SGCG: variants seen among roughly 807,000 people sequenced by gnomAD.
The protein encoded by SGCG is sarcoglycan gamma, also known as gamma-sarcoglycan.
SGCG carries 26 observed loss-of-function variants against 29.3 expected under a neutral mutation model. That is an observed-to-expected ratio of 0.89 (90% CI 0.65 to 1.23). The LOEUF is 1.23. Among genes scored for constraint, SGCG ranks in the 50% most tolerant of loss-of-function variants. The pLI, the probability that SGCG is intolerant of heterozygous loss-of-function variation, is 0.00. For synonymous variants in SGCG, 145 were observed against 129.7 expected, an observed-to-expected ratio of 1.12 and a Z score of -0.80; for missense variants, 353 against 356.0, an observed-to-expected ratio of 0.99 and a Z score of 0.07.
chr13:23,183,727 G>A (rs559263203), intron 1 of SGCG, among the ~76,000 whole-genome samples: 36 of 152,234 alleles, frequency 2.4e-4, no homozygotes, highest in African/African-American at 8.7e-4. Flanking sequence ...GGAGTGCAGT[G>A]GCATGATCTC....
At chr13:23,191,221 C>T (rs1279919236) in intron 1 of SGCG, among the ~76,000 whole-genome samples, 3 of 152,234 alleles carry the variant, frequency 2.0e-5, no homozygotes, top group African/African-American at 7.2e-5. Context: ...AATAGCATGC[C>T]TTTAATCTGC....
At chr13:23,190,212 T>G (rs1348658160) in intron 1 of SGCG, among the ~76,000 whole-genome samples, 1 of 152,114 alleles carries the variant, frequency 6.6e-6, no homozygotes, top group Non-Finnish European at 1.5e-5. Context: ...TAAATTGGTA[T>G]TTGAGAGTCT....
At position 23,320,750 on chromosome 13, in the gene SGCG, G is replaced by C. The variant is rs1883007633; in HGVS notation, c.692G>C (p.Ser231Thr). 8.1e-6 allele frequency: 13 copies of C among 1,613,630 alleles called. No homozygotes were observed. Among genetic ancestry groups the C allele is most frequent in the Non-Finnish European group, 1.1e-5 (13 of 1,179,724 alleles). ...CAAATGGATATTCTTTTTCATAGTAGTGATGGAATGGTGAGTTCATTCACA... is the reference window on the plus strand; with the variant it reads ...CAAATGGATATTCTTTTTCATAGTACTGATGGAATGGTGAGTTCATTCACA... ...LSQMDILFHS[S>T]DGMLVLDAET... Residue 231 changes from serine to threonine, a missense_variant, in exon 7 of 8, where the codon AGT (serine) becomes ACT (threonine). Transcript: ENST00000218867.
chr13:23,192,153 C>T (rs953810124), intron 1 of SGCG, among the ~76,000 whole-genome samples: 7 of 134,546 alleles, frequency 5.2e-5, no homozygotes, highest in South Asian at 4.9e-4. Context: ...CCAGCCTGGG[C>T]GACAGAGTGA....
rs1189871837 is a variant in SGCG, at chr13:23,322,765, T to TCCCCCCCCCCCCCCCC, written c.703-1601_703-1600insCCCCCCCCCCCCCCCC. Among the ~76,000 whole-genome samples the TCCCCCCCCCCCCCCCC allele has an allele frequency of 2.2e-3, 134 of 61,444 alleles. 1 individual carries two copies. The highest frequency in any genetic ancestry group is 7.9e-3 in the Admixed American group (42 of 5,344). 40.3% of individuals were successfully genotyped at this position (61,444 alleles called of 152,430 possible). ...CGATGCACAGACCGCCCCCCACCCATCCACCTCCCCCCCCCCCCCCCCCCG... is the reference window on the plus strand; with the variant it reads ...CGATGCACAGACCGCCCCCCACCCATCCCCCCCCCCCCCCCCCCACCTCCCCCCCCCCCCCCCCCCG... On this transcript the variant is annotated intron_variant, in intron 7 of 7. Transcript: ENST00000218867.
At chr13:23,232,957 G>T (rs887842691) in intron 2 of SGCG, among the ~76,000 whole-genome samples, 1 of 152,142 alleles carries the variant, frequency 6.6e-6, no homozygotes, top group Non-Finnish European at 1.5e-5. Flanking sequence ...TGGAATTCTT[G>T]TGCACTGTTA....
chr13:23,176,497 T>G (rs1876558235), upstream of SGCG, among the ~76,000 whole-genome samples: 1 of 152,170 alleles, frequency 6.6e-6, no homozygotes, highest in South Asian at 2.1e-4. Context: ...TAATGACCAT[T>G]TTAATCTTTT....
intron 4 of SGCG, among the ~76,000 whole-genome samples, chr13:23,254,165 G>A (rs920920926): frequency 1.3e-5 from 2 of 152,190 alleles, no homozygotes; most frequent in Non-Finnish European, 2.9e-5. Flanking sequence ...AGTTAGAAGA[G>A]TTTGGAGGGC....
chr13:23,270,778 G>C (rs1593210019), intron 4 of SGCG, among the ~76,000 whole-genome samples: 1 of 152,204 alleles, frequency 6.6e-6, no homozygotes, highest in East Asian at 1.9e-4. Context: ...GGTTATAAAG[G>C]AATTCACCTA....
chr13:23,282,819 G>T (rs888717274), intron 5 of SGCG, among the ~76,000 whole-genome samples: 1 of 152,168 alleles, frequency 6.6e-6, no homozygotes, highest in Non-Finnish European at 1.5e-5. Context: ...GGGGGAGACT[G>T]TCCTGTGCAT....
At chr13:23,307,604 T>A (rs1453079957) in intron 6 of SGCG, among the ~76,000 whole-genome samples, 2 of 152,146 alleles carry the variant, frequency 1.3e-5, no homozygotes, top group Non-Finnish European at 2.9e-5. Context: ...TGTATGGGTT[T>A]TTTTCAAGGT....
intron 3 of SGCG, among the ~76,000 whole-genome samples, chr13:23,248,603 A>G (rs1396018615): frequency 6.6e-6 from 1 of 151,424 alleles, no homozygotes; most frequent in African/African-American, 2.4e-5. Flanking sequence ...CTGAGGCAGG[A>G]GAATGGCGGG....
rs115383438 is a variant in SGCG, at chr13:23,281,815, C to T, written c.505+2337C>T. ...ATAGGAGGCGGGGCTCAGGCAGTAA[C>T]GCTCGCTGGCCCACTGCTCACCTCC... On this transcript the variant is annotated intron_variant, in intron 5 of 7. Coordinates refer to ENST00000218867, the MANE Select transcript of SGCG (RefSeq NM_000231.3). Among the ~76,000 whole-genome samples, 1,219 of 152,264 alleles carry T rather than the reference C, an allele frequency of 8.0e-3. 19 individuals carry two copies. The highest frequency in any genetic ancestry group is 0.027 in the African/African-American group (1,122 of 41,546).
intron 5 of SGCG, among the ~76,000 whole-genome samples, chr13:23,283,242 G>A (rs952502011): frequency 6.6e-6 from 1 of 152,180 alleles, no homozygotes; most frequent in African/African-American, 2.4e-5. Flanking sequence ...CTATTATTGT[G>A]TGGGAGTCTG....
At chr13:23,230,511 T>A (rs1263845735) in intron 2 of SGCG, among the ~76,000 whole-genome samples, 1 of 152,216 alleles carries the variant, frequency 6.6e-6, no homozygotes, top group Non-Finnish European at 1.5e-5. Context: ...CTTGGTTAGC[T>A]GTATTCCTAG....
chr13:23,312,199 A>T (rs1882628764), intron 6 of SGCG, among the ~76,000 whole-genome samples: 1 of 152,222 alleles, frequency 6.6e-6, no homozygotes, highest in African/African-American at 2.4e-5. Context: ...AACCTACCAA[A>T]GGGAAATTTC....
At chr13:23,296,811 C>T (rs1881926336) in intron 6 of SGCG, among the ~76,000 whole-genome samples, 1 of 152,078 alleles carries the variant, frequency 6.6e-6, no homozygotes, top group South Asian at 2.1e-4. Context: ...TTTACAGAAT[C>T]TTTGTGTCTA....
Position 23,252,080 on chromosome 13 carries a change from A to G in SGCG, c.385+1363A>G, listed in dbSNP as rs367621009. Among the ~76,000 whole-genome samples, 11 of 152,290 alleles carry G rather than the reference A, an allele frequency of 7.2e-5. 1 individual carries two copies. In the East Asian group the frequency reaches 1.2e-3, roughly 16 times the overall value. On this transcript the variant is annotated intron_variant, in intron 4 of 7. Transcript: ENST00000218867. ...TTTTGTTTAATAACTAAGTCCAGTG[A>G]AATTCTCTGTGGATCAGGAGATGAA...
At chr13:23,258,027 C>T (rs954081995) in intron 4 of SGCG, among the ~76,000 whole-genome samples, 2 of 152,098 alleles carry the variant, frequency 1.3e-5, no homozygotes, top group African/African-American at 4.8e-5. Context: ...CTTGGCAATG[C>T]AGGCTCTTTT....
Sources: gnomAD v4.1 joint callset for allele counts (sites outside exome capture counted in the v4.1 genomes callset) on GRCh38, gnomAD v4.1.1 for gene constraint, MANE v1.5 for transcripts, NCBI Gene and HGNC (gene_info 2026-07-23, HGNC 2026-07-21) for gene names.